LRRC39: variants seen among roughly 807,000 people sequenced by gnomAD.
LRRC39 encodes the protein leucine rich repeat containing 39.
In LRRC39, 35 loss-of-function variants were observed where a neutral mutation model predicts 39.7. That is an observed-to-expected ratio of 0.88 (90% CI 0.67 to 1.17). The LOEUF is 1.17. Among genes scored for constraint, LRRC39 ranks in the 50% most tolerant of loss-of-function variants. The probability of loss-of-function intolerance (pLI) is 0.00; values close to 1 mark genes in which losing one functional copy is unlikely to be tolerated. For synonymous variants in LRRC39, 113 were observed against 134.1 expected (o/e 0.84, Z 1.09); for missense variants, 357 against 385.8 (o/e 0.93, Z 0.62).
At chr1:100,170,798 G>A in intron 2 of LRRC39, among the ~76,000 whole-genome samples, 1 of 151,704 alleles carries the variant, frequency 6.6e-6, no homozygotes. Context: ...CTGCAGCCTT[G>A]ACCTCTGGGC....
rs78962557 is a variant in LRRC39 at position 100,155,172 on chromosome 1, G to A, written c.691C>T (p.Arg231Ter). 7.6e-4 allele frequency: 1,226 copies of A among 1,608,592 alleles called. 7 individuals are homozygous for A. In the East Asian group the frequency reaches 0.015, roughly 20 times the overall value. The change falls in exon 8 of 10, where the codon CGA becomes TGA. Residue 231 changes from arginine (R) to a stop codon, truncating the protein, a stop_gained. Transcript: ENST00000370137. LOFTEE classifies it high-confidence loss of function. ...MQNLHTLWLQ[R>*]NEITCLPQTI... ...TGAGGCAAGCATGTTATTTCATTTC[G>A]TTGCAGCCATAACGTATGTAGATTT...
chr1:100,171,720 G>T (rs1483154879), intron 2 of LRRC39, among the ~76,000 whole-genome samples: 2 of 150,288 alleles, frequency 1.3e-5, no homozygotes, highest in African/African-American at 2.5e-5. Context: ...GCCTGGGCTG[G>T]TCTCAAACTC....
chr1:100,163,998 A>T (rs1294024124), intron 3 of LRRC39, among the ~76,000 whole-genome samples: 3 of 152,078 alleles, frequency 2.0e-5, no homozygotes, highest in Non-Finnish European at 4.4e-5. Context: ...ACTTGAACCC[A>T]GGAGGCAGAG....
Position 100,168,479 on chromosome 1 carries a change from G to T in LRRC39, c.38C>A (p.Ala13Asp). 1 of 1,612,128 alleles carries T rather than the reference G, an allele frequency of 6.2e-7. No homozygotes were observed. Among genetic ancestry groups the T allele is most frequent in the Non-Finnish European group, 8.5e-7 (1 of 1,179,462 alleles). ...TCTTTTTTCCCAAACTTCCTTTACAGCATTGACAGCCCCAGTACAAACCAC... is the reference window on the plus strand; with the variant it reads ...TCTTTTTTCCCAAACTTCCTTTACATCATTGACAGCCCCAGTACAAACCAC... ...ENVVCTGAVN[A>D]VKEVWEKRIK... Residue 13 changes from alanine to aspartate, a missense_variant, in exon 3 of 10, where the codon GCT (alanine) becomes GAT (aspartate). Physicochemically the swap from Ala to Asp is moderately radical, Grantham distance 126. Transcript: ENST00000370137.
intron 3 of LRRC39, among the ~76,000 whole-genome samples, chr1:100,162,726 G>T (rs1024775927): frequency 6.6e-6 from 1 of 152,030 alleles, no homozygotes; most frequent in African/African-American, 2.4e-5. Flanking sequence ...ATGAAAAAGA[G>T]AGTAAGTTTA....
intron 3 of LRRC39, among the ~76,000 whole-genome samples, chr1:100,162,549 G>A (rs571658277): frequency 9.2e-5 from 14 of 151,920 alleles, no homozygotes; most frequent in African/African-American, 3.4e-4. Flanking sequence ...TAAGGCAGGA[G>A]AATTGCTTGA....
intron 2 of LRRC39, among the ~76,000 whole-genome samples, chr1:100,171,215 A>C (rs1190703510): frequency 1.3e-5 from 2 of 152,182 alleles, no homozygotes; most frequent in African/African-American, 4.8e-5. Flanking sequence ...AAGAATACTG[A>C]AAATTTGAAC....
At chr1:100,173,012 C>T (rs554135164) in intron 2 of LRRC39, among the ~76,000 whole-genome samples, 36 of 149,196 alleles carry the variant, frequency 2.4e-4, no homozygotes, top group Admixed American at 6.0e-4. Context: ...TGCCACTGCA[C>T]GCCAGCCTGG....
chr1:100,165,826 C>T (rs1659195563), intron 3 of LRRC39, among the ~76,000 whole-genome samples: 1 of 151,140 alleles, frequency 6.6e-6, no homozygotes, highest in Non-Finnish European at 1.5e-5. Flanking sequence ...ATACTGTTCT[C>T]ATTCTCTCTC....
At chr1:100,149,185 A>G in intron 9 of LRRC39, 88 bp from the exon 10 acceptor site, 2 of 1,521,086 alleles carry the variant, frequency 1.3e-6, no homozygotes, top group East Asian at 2.5e-5. Context: ...ATTTTATTTA[A>G]TATTTTTTAT....
intron 4 of LRRC39, among the ~76,000 whole-genome samples, chr1:100,159,896 CTG>C (rs1019503613): frequency 6.6e-6 from 1 of 152,092 alleles, no homozygotes; most frequent in East Asian, 1.9e-4. Context: ...ATTCTGAACT[CTG>C]TGCCTTTTCC....
At chr1:100,160,784 C>G (rs1357635979) in intron 3 of LRRC39, among the ~76,000 whole-genome samples, 1 of 151,960 alleles carries the variant, frequency 6.6e-6, no homozygotes, top group Non-Finnish European at 1.5e-5. Flanking sequence ...ACCACCACAC[C>G]CGGCTAATTT....
chr1:100,173,229 G>C (rs1169423184), intron 2 of LRRC39, 102 bp downstream of exon 2: 1 of 150,846 alleles, frequency 6.6e-6, no homozygotes, highest in Admixed American at 6.6e-5. Context: ...GACAGAGCCA[G>C]ACTCTGTCTC....
At chr1:100,177,517 G>T (rs1293517219) in intron 1 of LRRC39, among the ~76,000 whole-genome samples, 3 of 152,180 alleles carry the variant, frequency 2.0e-5, no homozygotes, top group Non-Finnish European at 4.4e-5. Flanking sequence ...AGATCTCTTT[G>T]CTGTGAAGAA....
chr1:100,167,802 T>A (rs1235676422), intron 3 of LRRC39, among the ~76,000 whole-genome samples: 1 of 146,738 alleles, frequency 6.8e-6, no homozygotes, highest in African/African-American at 2.5e-5. Context: ...ATAATAATAA[T>A]AATAATAATA....
chr1:100,173,418 T>C (rs1232298883), intron 1 of LRRC39, 48 bp from the exon 2 acceptor site: 1 of 152,162 alleles, frequency 6.6e-6, no homozygotes, highest in Non-Finnish European at 1.5e-5. Context: ...TAGAAAATTA[T>C]TAAAATTTAA....
chr1:100,160,180 A>C (rs1012564373), intron 4 of LRRC39, among the ~76,000 whole-genome samples: 9 of 152,200 alleles, frequency 5.9e-5, no homozygotes, highest in Non-Finnish European at 4.4e-5. Flanking sequence ...TATTAGGCAG[A>C]TGGTTATCTT....
At chr1:100,177,161 G>A (rs1371456216) in intron 1 of LRRC39, among the ~76,000 whole-genome samples, 1 of 152,018 alleles carries the variant, frequency 6.6e-6, no homozygotes, top group East Asian at 1.9e-4. Flanking sequence ...ATTAAAAATA[G>A]CATGCAATTG....
rs1658432858 is a variant in LRRC39, at chr1:100,156,223, C to T, written c.608G>A (p.Trp203Ter). 9.3e-6 allele frequency: 15 copies of T among 1,613,804 alleles called. No homozygotes were observed. Among genetic ancestry groups the T allele is most frequent in the Non-Finnish European group, 1.2e-5 (14 of 1,179,800 alleles). The part of the protein sequence containing the change: ...LAVLNMPALE[W>*]LDMGSNKLEQ... ...AAGTTTGTTGCTTCCCATGTCCAGC[C>T]ACTCAAGGGCAGGCATGTTCAACAC... Residue 203 changes from tryptophan to a stop codon, truncating the protein, a stop_gained, in exon 7 of 10, where the codon TGG (tryptophan) becomes TAG (stop). Coordinates refer to ENST00000370137, the MANE Select transcript of LRRC39 (RefSeq NM_144620.4). LOFTEE classifies it high-confidence loss of function.
Sources: allele counts gnomAD v4.1 joint callset (sites outside exome capture counted in the v4.1 genomes callset), GRCh38; gene constraint gnomAD v4.1.1; transcripts MANE v1.5; gene names NCBI Gene and HGNC (gene_info 2026-07-23, HGNC 2026-07-21).